CTNNA2: variants seen among roughly 807,000 people sequenced by gnomAD.
CTNNA2 encodes catenin alpha 2.
CTNNA2 carries 42 observed loss-of-function variants against 101.0 expected under a neutral mutation model. The observed-to-expected ratio is 0.42, with a 90% confidence interval of 0.32 to 0.54. The LOEUF (loss-of-function observed/expected upper bound fraction) is 0.54, where lower values mean the gene tolerates loss of function less well. Ranked by LOEUF, CTNNA2 falls within the 20% of genes least tolerant of loss-of-function variation. The pLI is 0.14. For missense variants in CTNNA2, 871 were observed against 1,223.1 expected (o/e 0.71, Z 4.29); for synonymous variants, 450 against 456.4 (o/e 0.99, Z 0.18).
intron 3 of CTNNA2, among the ~76,000 whole-genome samples, chr2:79,765,776 C>A (rs1673108798): frequency 6.6e-6 from 1 of 152,188 alleles, no homozygotes; most frequent in South Asian, 2.1e-4. Context: ...GAGATGTGAT[C>A]TTTCTCTTTT....
At chr2:80,144,377 G>T (rs1230963678) in intron 7 of CTNNA2, among the ~76,000 whole-genome samples, 1 of 152,102 alleles carries the variant, frequency 6.6e-6, no homozygotes, top group Non-Finnish European at 1.5e-5. Context: ...AATTTAAAAA[G>T]ATTAGTTAAG....
intron 2 of CTNNA2, among the ~76,000 whole-genome samples, chr2:79,281,769 G>C (rs887587489): frequency 2.0e-5 from 3 of 152,148 alleles, no homozygotes; most frequent in Non-Finnish European, 4.4e-5. Context: ...GCATTTTCTA[G>C]AAACATAATA....
chr2:79,731,215 A>ACAGGGCAT (rs1194750498), intron 2 of CTNNA2, among the ~76,000 whole-genome samples: 2 of 152,020 alleles, frequency 1.3e-5, no homozygotes, highest in Non-Finnish European at 2.9e-5. Context: ...TCAGCCAATG[A>ACAGGGCAT]AGTAAGAATA....
chr2:79,559,667 A>G (rs898198158), intron 1 of CTNNA2, among the ~76,000 whole-genome samples: 13 of 152,026 alleles, frequency 8.6e-5, no homozygotes, highest in African/African-American at 2.6e-4. Context: ...TGCACTTTGG[A>G]TGGACAGAGA....
At chr2:80,111,264 T>C (rs1017060858) in intron 7 of CTNNA2, among the ~76,000 whole-genome samples, 1 of 152,226 alleles carries the variant, frequency 6.6e-6, no homozygotes. Context: ...TTCTACATTC[T>C]GTTTTATTAT....
chr2:79,729,094 C>T (rs180804289), intron 2 of CTNNA2, among the ~76,000 whole-genome samples: 5 of 152,060 alleles, frequency 3.3e-5, no homozygotes, highest in Non-Finnish European at 7.4e-5. Flanking sequence ...TTTGAAGTAA[C>T]TTAAGGATAA....
intron 7 of CTNNA2, among the ~76,000 whole-genome samples, chr2:80,310,790 G>GA (rs1246106917): frequency 1.3e-5 from 2 of 152,032 alleles, no homozygotes; most frequent in Non-Finnish European, 2.9e-5. Flanking sequence ...TGACCAACAT[G>GA]ATGAAACCCT....
chr2:80,207,869 A>T (rs1707627484), intron 7 of CTNNA2, among the ~76,000 whole-genome samples: 1 of 152,184 alleles, frequency 6.6e-6, no homozygotes, highest in Non-Finnish European at 1.5e-5. Flanking sequence ...TAGGGGAGCA[A>T]CTAAGAAAGG....
At chr2:79,644,133 G>A (rs867801373) in intron 1 of CTNNA2, among the ~76,000 whole-genome samples, 1 of 152,134 alleles carries the variant, frequency 6.6e-6, no homozygotes, top group Non-Finnish European at 1.5e-5. Context: ...TGCCTACCGG[G>A]TTCAAACAAT....
chr2:80,044,874 C>T (rs746435081), intron 7 of CTNNA2, among the ~76,000 whole-genome samples: 2 of 152,062 alleles, frequency 1.3e-5, no homozygotes, highest in African/African-American at 4.8e-5. Context: ...CCCCAGGAGG[C>T]TATGTCATAA....
chr2:79,244,564 G>A (rs1387129352), intron 2 of CTNNA2, among the ~76,000 whole-genome samples: 1 of 152,162 alleles, frequency 6.6e-6, no homozygotes, highest in Admixed American at 6.5e-5. Context: ...GGAAGTCCTA[G>A]CATAGTAAAC....
intron 8 of CTNNA2, among the ~76,000 whole-genome samples, chr2:80,415,751 T>G (rs1234817653): frequency 6.6e-6 from 1 of 152,108 alleles, no homozygotes; most frequent in East Asian, 1.9e-4. Context: ...CAGCATTATT[T>G]ACGATAGCCA....
At chr2:79,861,374 A>G (rs964402242) in intron 4 of CTNNA2, among the ~76,000 whole-genome samples, 2 of 152,174 alleles carry the variant, frequency 1.3e-5, no homozygotes, top group African/African-American at 2.4e-5. Context: ...TTCCGCAGCA[A>G]CTTATATTCA....
chr2:80,368,578 A>T (rs900042521), intron 7 of CTNNA2, among the ~76,000 whole-genome samples: 3 of 152,072 alleles, frequency 2.0e-5, no homozygotes, highest in African/African-American at 4.8e-5. Flanking sequence ...AAGGCCTGTG[A>T]AAAGTATCCA....
At chr2:79,286,573 A>C (rs1675593524) in intron 2 of CTNNA2, among the ~76,000 whole-genome samples, 1 of 152,212 alleles carries the variant, frequency 6.6e-6, no homozygotes, top group Admixed American at 6.5e-5. Flanking sequence ...AGAATGTTGA[A>C]TATTGGCCCC....
intron 9 of CTNNA2, among the ~76,000 whole-genome samples, chr2:80,502,421 C>T (rs1186984055): frequency 1.3e-5 from 2 of 152,198 alleles, no homozygotes; most frequent in Non-Finnish European, 2.9e-5. Flanking sequence ...GCCCACTCAG[C>T]CTGCCCACAA....
At chr2:79,664,326 G>C (rs542351508) in intron 2 of CTNNA2, among the ~76,000 whole-genome samples, 4 of 152,084 alleles carry the variant, frequency 2.6e-5, no homozygotes, top group African/African-American at 9.6e-5. Context: ...CTGTTCAAAG[G>C]AATTTATGAA....
At chr2:79,847,324 C>T (rs1680307260) in intron 3 of CTNNA2, among the ~76,000 whole-genome samples, 1 of 151,900 alleles carries the variant, frequency 6.6e-6, no homozygotes, top group South Asian at 2.1e-4. Context: ...GCGAGTGGAT[C>T]ACAAGGTCAG....
intron 7 of CTNNA2, among the ~76,000 whole-genome samples, chr2:79,991,132 A>G (rs1325219743): frequency 6.6e-6 from 1 of 151,888 alleles, no homozygotes; most frequent in African/African-American, 2.4e-5. Flanking sequence ...CCCCTTTATC[A>G]TTTTTTATTG....
Sources: allele counts gnomAD v4.1 joint callset (sites outside exome capture counted in the v4.1 genomes callset), GRCh38; gene constraint gnomAD v4.1.1; transcripts MANE v1.5; gene names NCBI Gene and HGNC (gene_info 2026-07-23, HGNC 2026-07-21).